CCDC171: variants seen among roughly 807,000 people sequenced by gnomAD.
CCDC171 encodes the protein coiled-coil domain-containing protein 171.
In CCDC171, 177 loss-of-function variants were observed where a neutral mutation model predicts 168.2. That is an observed-to-expected ratio of 1.05 (90% CI 0.93 to 1.19). CCDC171 has a LOEUF of 1.19. Among genes scored for constraint, CCDC171 ranks in the 50% most tolerant of loss-of-function variants. The probability of loss-of-function intolerance (pLI) is 0.00; values close to 1 mark genes in which losing one functional copy is unlikely to be tolerated. For synonymous variants in CCDC171, 687 were observed against 540.8 expected (o/e 1.27, Z -3.75); for missense variants, 1,991 against 1,539.0 (o/e 1.29, Z -4.91).
chr9:15,762,208 C>A (rs1485013855), intron 18 of CCDC171, among the ~76,000 whole-genome samples: 2 of 139,310 alleles, frequency 1.4e-5, no homozygotes. Flanking sequence ...TACTGTCTAA[C>A]AAAGCAACAT....
intron 18 of CCDC171, among the ~76,000 whole-genome samples, chr9:15,771,462 AT>A (rs1198448833): frequency 6.6e-6 from 1 of 152,146 alleles, no homozygotes; most frequent in African/African-American, 2.4e-5. Flanking sequence ...TTCATTTGTT[AT>A]AAGCCCATTC....
At chr9:16,051,958 C>G (rs1035459352) in intron 1 of CCDC171, among the ~76,000 whole-genome samples, 5 of 152,148 alleles carry the variant, frequency 3.3e-5, no homozygotes, top group African/African-American at 1.2e-4. Flanking sequence ...GAGAGAACTC[C>G]CCTTTATAAA....
At chr9:15,929,812 AT>A (rs1826295871) in intron 25 of CCDC171, among the ~76,000 whole-genome samples, 1 of 151,738 alleles carries the variant, frequency 6.6e-6, no homozygotes, top group South Asian at 2.1e-4. Context: ...ACTTTTAAAG[AT>A]TTCTCATATT....
chr9:15,809,339 T>G (rs2059225598), intron 21 of CCDC171, among the ~76,000 whole-genome samples: 1 of 152,176 alleles, frequency 6.6e-6, no homozygotes. Context: ...AAATTTAAAT[T>G]AAAATGAAAT....
At chr9:15,734,362 C>T (rs1160790752) in intron 16 of CCDC171, among the ~76,000 whole-genome samples, 1 of 151,932 alleles carries the variant, frequency 6.6e-6, no homozygotes, top group Non-Finnish European at 1.5e-5. Flanking sequence ...CATGGAGAAA[C>T]CCCGTTTCTA....
chr9:15,762,372 A>G (rs965591582), intron 18 of CCDC171, among the ~76,000 whole-genome samples: 1 of 152,200 alleles, frequency 6.6e-6, no homozygotes, highest in South Asian at 2.1e-4. Context: ...CATAATATTC[A>G]TTAAAACCTA....
chr9:15,772,597 A>T (rs2057072652), intron 18 of CCDC171, among the ~76,000 whole-genome samples: 1 of 152,236 alleles, frequency 6.6e-6, no homozygotes, highest in Non-Finnish European at 1.5e-5. Context: ...GCATATAAAT[A>T]GTGAAAGATG....
intron 1 of CCDC171, among the ~76,000 whole-genome samples, chr9:16,047,660 T>C (rs1586859458): frequency 1.3e-5 from 2 of 152,234 alleles, no homozygotes; most frequent in South Asian, 4.1e-4. Context: ...CTTTGTTACC[T>C]GGGAAGTGGG....
chr9:15,689,549 A>G (rs2050641179), intron 10 of CCDC171, among the ~76,000 whole-genome samples: 1 of 152,148 alleles, frequency 6.6e-6, no homozygotes. Context: ...CGTCTCTACT[A>G]AAAATATAAA....
chr9:15,830,258 C>T (rs747541913), intron 21 of CCDC171, among the ~76,000 whole-genome samples: 1 of 152,102 alleles, frequency 6.6e-6, no homozygotes, highest in African/African-American at 2.4e-5. Context: ...GGAAGTAAGA[C>T]ATGAAAGACT....
At chr9:15,757,682 AG>A (rs1304920104) in intron 18 of CCDC171, among the ~76,000 whole-genome samples, 1 of 152,190 alleles carries the variant, frequency 6.6e-6, no homozygotes, top group Non-Finnish European at 1.5e-5. Context: ...TTCCCATCAC[AG>A]GCCCAGAGTC....
At chr9:15,665,169 C>T (rs2048642558) in intron 8 of CCDC171, among the ~76,000 whole-genome samples, 1 of 151,988 alleles carries the variant, frequency 6.6e-6, no homozygotes, top group South Asian at 2.1e-4. Flanking sequence ...CACTGTTAAT[C>T]AGGCTGGAGT....
chr9:16,074,955 G>T, the CCDC171 span, among the ~76,000 whole-genome samples: 1 of 152,126 alleles, frequency 6.6e-6, no homozygotes, highest in Non-Finnish European at 1.5e-5. Flanking sequence ...TGCTTTTGGA[G>T]GTGTGTCAAA....
intron 5 of CCDC171, among the ~76,000 whole-genome samples, chr9:15,591,794 A>C (rs1027685569): frequency 3.3e-5 from 5 of 152,172 alleles, no homozygotes; most frequent in Non-Finnish European, 4.4e-5. Context: ...AAAAGCCAAC[A>C]AAGCACTTAT....
At chr9:15,768,770 TA>T (rs1158562821) in intron 18 of CCDC171, among the ~76,000 whole-genome samples, 1 of 152,214 alleles carries the variant, frequency 6.6e-6, no homozygotes, top group African/African-American at 2.4e-5. Flanking sequence ...CTTATTATTT[TA>T]AGTGGTTATA....
chr9:16,030,259 T>TATATATATAGCAGCAGCAGCA (rs1392212584), intron 6 of CCDC171, among the ~76,000 whole-genome samples: 21 of 152,162 alleles, frequency 1.4e-4, no homozygotes, highest in African/African-American at 4.8e-4. Context: ...TATCTAGTAG[T>TATATATATAGCAGCAGCAGCA]GGTAGCAGCA....
intron 7 of CCDC171, among the ~76,000 whole-genome samples, chr9:15,636,511 G>C (rs2046210532): frequency 6.6e-6 from 1 of 152,016 alleles, no homozygotes; most frequent in African/African-American, 2.4e-5. Flanking sequence ...CACTTTGGGA[G>C]ACAGAGGTGG....
chr9:16,044,090 G>A (rs1260461356), intron 1 of CCDC171, among the ~76,000 whole-genome samples: 1 of 152,186 alleles, frequency 6.6e-6, no homozygotes, highest in African/African-American at 2.4e-5. Context: ...AGATCGATGT[G>A]TCTCCCCAAT....
intron 3 of CCDC171, among the ~76,000 whole-genome samples, chr9:15,998,173 G>A (rs187936432): frequency 1.3e-5 from 2 of 152,210 alleles, no homozygotes; most frequent in Admixed American, 1.3e-4. Flanking sequence ...CTTCATCCTC[G>A]GTTCCCAGAC....
Sources: allele counts gnomAD v4.1 joint callset (sites outside exome capture counted in the v4.1 genomes callset), GRCh38; gene constraint gnomAD v4.1.1; transcripts MANE v1.5; gene names NCBI Gene and HGNC (gene_info 2026-07-23, HGNC 2026-07-21).